The following LGR4 variants were observed in gnomAD, a reference collection of about 807,000 sequenced individuals.
LGR4 encodes the protein leucine-rich repeat-containing G protein-coupled receptor 4.
In LGR4, 44 loss-of-function variants were observed where a neutral mutation model predicts 84.8. The observed-to-expected ratio is 0.52, with a 90% CI of 0.41 to 0.67. LGR4 has a LOEUF of 0.67. LGR4 is among the 30% of genes least tolerant of loss of function. The probability of loss-of-function intolerance (pLI) is 0.00; values close to 1 mark genes in which losing one functional copy is unlikely to be tolerated. For synonymous variants in LGR4, 429 were observed against 434.3 expected, an observed-to-expected ratio of 0.99 and a Z score of 0.15; for missense variants, 1,032 against 1,131.4, an observed-to-expected ratio of 0.91 and a Z score of 1.26.
intron 2 of LGR4, among the ~76,000 whole-genome samples, chr11:27,405,890 C>T (rs1286057045): frequency 1.3e-5 from 2 of 152,152 alleles, no homozygotes; most frequent in Non-Finnish European, 2.9e-5. Flanking sequence ...TATGAGACTA[C>T]ATTTATTGAA....
chr11:27,368,562 T>A lies in LGR4; in HGVS notation c.2161A>T (p.Met721Leu). Residue 721 changes from methionine (M) to leucine (L), a missense_variant, in exon 18 of 18, where the codon ATG (methionine) becomes TTG (leucine). Coordinates refer to ENST00000379214, the MANE Select transcript of LGR4 (RefSeq NM_018490.5). ...TATAGTTTAGTGTAGATAACGGCCA[T>A]TAATAAAAATGCTAGTGAGTTTAAT... ...VLLNSLAFLLMAVIYTKLYCN... is the reference protein window; with the variant it reads ...VLLNSLAFLLLAVIYTKLYCN... 6.2e-7 allele frequency: 1 copy of A among 1,613,550 alleles called. No homozygotes were observed. Among genetic ancestry groups the A allele is most frequent in the South Asian group, 1.1e-5 (1 of 90,988 alleles).
At chr11:27,374,238 A>T (rs1324628660) in intron 13 of LGR4, among the ~76,000 whole-genome samples, 192 bp from the exon 14 acceptor site, 1 of 152,206 alleles carries the variant, frequency 6.6e-6, no homozygotes, top group Non-Finnish European at 1.5e-5. Context: ...TATTTCTTGG[A>T]ATATGTTCTG....
intron 1 of LGR4, among the ~76,000 whole-genome samples, chr11:27,434,077 G>A (rs992838717): frequency 3.9e-5 from 6 of 152,216 alleles, no homozygotes; most frequent in African/African-American, 1.4e-4. Context: ...AGAGCCTTCT[G>A]GGAACTTAAG....
At chr11:27,379,532 TC>T (rs1863051556) in intron 10 of LGR4, among the ~76,000 whole-genome samples, 1 of 152,188 alleles carries the variant, frequency 6.6e-6, no homozygotes, top group Non-Finnish European at 1.5e-5. Context: ...CCTCAGTGCT[TC>T]CCAAATTCTT....
Position 27,472,415 on chromosome 11 carries a change from T to C in LGR4, c.-113A>G, listed in dbSNP as rs1363891158. The C allele has an allele frequency of 5.9e-6, 5 of 843,136 alleles. No individual in the cohort carries two copies. Among genetic ancestry groups the C allele is most frequent in the Non-Finnish European group, 4.7e-6 (3 of 639,710 alleles). The allele number at this position is 843,136 out of a possible 1,614,324, so 52.2% of individuals were successfully genotyped here. A position where few individuals can be genotyped will look rare whatever the true frequency, so the allele number is the denominator to read the frequency against. Reference sequence around the variant, plus strand: ...GCCTGCGGGCTGGAGCGGGGGTCTCTTCCTCGGCGGTCCGCGCGGGCTCGG... The same window carrying C: ...GCCTGCGGGCTGGAGCGGGGGTCTCCTCCTCGGCGGTCCGCGCGGGCTCGG... On this transcript the variant is annotated 5_prime_UTR_variant, in exon 1 of 18. Transcript: ENST00000379214.
chr11:27,377,675 A>C (rs1308883822), intron 11 of LGR4, among the ~76,000 whole-genome samples: 1 of 152,096 alleles, frequency 6.6e-6, no homozygotes, highest in Non-Finnish European at 1.5e-5. Context: ...AAAAGCTCTA[A>C]GAGAAATGGT....
chr11:27,449,061 T>C (rs1864439392), intron 1 of LGR4, among the ~76,000 whole-genome samples: 1 of 152,216 alleles, frequency 6.6e-6, no homozygotes, highest in South Asian at 2.1e-4. Flanking sequence ...AGCTAACTTA[T>C]AATAATAAAA....
intron 2 of LGR4, among the ~76,000 whole-genome samples, chr11:27,408,609 G>C (rs1179823289): frequency 6.6e-6 from 1 of 152,092 alleles, no homozygotes; most frequent in Non-Finnish European, 1.5e-5. Context: ...GCCTAAAGGA[G>C]AGCCAAAAAC....
chr11:27,451,619 C>T (rs918710318), intron 1 of LGR4, among the ~76,000 whole-genome samples: 1 of 152,182 alleles, frequency 6.6e-6, no homozygotes, highest in Non-Finnish European at 1.5e-5. Flanking sequence ...ACTATTGTTG[C>T]TTAAATACCA....
At position 27,451,182 on chromosome 11, in the gene LGR4, T is replaced by C. The variant is rs1864474917; in HGVS notation, c.185+20936A>G. Among the ~76,000 whole-genome samples, 8 of 152,234 alleles carry C rather than the reference T, an allele frequency of 5.3e-5. 1 individual carries two copies. In the South Asian group the frequency reaches 1.7e-3, roughly 32 times the overall value. On this transcript the variant is annotated intron_variant, in intron 1 of 17. Coordinates refer to ENST00000379214, the MANE Select transcript of LGR4 (RefSeq NM_018490.5). ...CAATTTTTCACTTAAAATAAGGAAA[T>C]GTTAAATTTAAAGAGACCACCAGAG...
intron 1 of LGR4, among the ~76,000 whole-genome samples, chr11:27,423,321 C>T (rs765010813): frequency 2.0e-5 from 3 of 152,170 alleles, no homozygotes; most frequent in Non-Finnish European, 2.9e-5. Context: ...AGCTGCCAAC[C>T]GTCAGAGCCT....
In LGR4 at chr11:27,402,045, A is replaced by G. The variant is rs141722630; in HGVS notation, c.258-9527T>C. On this transcript the variant is annotated intron_variant, in intron 2 of 17. Coordinates refer to ENST00000379214, the MANE Select transcript of LGR4 (RefSeq NM_018490.5). ...GGGTAAAATGTGAATATAGAGAGGTACTCTGGCAGACAGACCCTGTTGGTT... is the reference window on the plus strand; with the variant it reads ...GGGTAAAATGTGAATATAGAGAGGTGCTCTGGCAGACAGACCCTGTTGGTT... Among the ~76,000 whole-genome samples, 284 of 152,298 alleles carry G rather than the reference A, an allele frequency of 1.9e-3. 1 individual carries two copies. The highest frequency in any genetic ancestry group is 6.7e-3 in the African/African-American group (280 of 41,562).
At chr11:27,423,244 T>C (rs2133411726) in intron 1 of LGR4, among the ~76,000 whole-genome samples, 1 of 152,360 alleles carries the variant, frequency 6.6e-6, no homozygotes, top group East Asian at 1.9e-4. Context: ...ACTAAGGCAC[T>C]GACCTCATTA....
chr11:27,428,920 C>A (rs551674381), intron 1 of LGR4, among the ~76,000 whole-genome samples: 1 of 152,004 alleles, frequency 6.6e-6, no homozygotes, highest in East Asian at 1.9e-4. Flanking sequence ...TTTTTTTGTC[C>A]ATGTAGCCGG....
chr11:27,367,826 T>G lies in LGR4; in HGVS notation c.*41A>C, dbSNP rs775429782. On this transcript the variant is annotated 3_prime_UTR_variant, in exon 18 of 18. Coordinates refer to ENST00000379214, the MANE Select transcript of LGR4 (RefSeq NM_018490.5). ...AGAATAGGGTTCACTCTATAAACAC[T>G]GATTTTGGTTGACGGGGGAAACGGT... The G allele has an allele frequency of 2.8e-6, 4 of 1,440,432 alleles. No homozygotes were observed. The highest frequency in any genetic ancestry group is 3.8e-6 in the Non-Finnish European group (4 of 1,061,112). The allele number at this position is 1,440,432 out of a possible 1,614,324, so 89.2% of individuals were successfully genotyped here.
rs779290771 is a variant in LGR4 at position 27,367,987 on chromosome 11, T to C, written c.2736A>G (p.Glu912=). ...CAGAACTGTCTGAGACAAAGGAATC[T>C]TCTTCATCTGCATAATCAGAGTGGG... ...QSAHSDYADE[E]DSFVSDSSDQ... is the part of the protein sequence containing the mutation. Residue 912 remains glutamate, a synonymous_variant, in exon 18 of 18, where the codon GAA becomes GAG. Transcript: ENST00000379214. The C allele has an allele frequency of 1.9e-6, 3 of 1,614,160 alleles. No individual in the cohort carries two copies. The highest frequency in any genetic ancestry group is 2.2e-5 in the South Asian group (2 of 91,080).
chr11:27,472,335 G>A lies in LGR4; in HGVS notation c.-33C>T, dbSNP rs192194854. ...GCCGCCTCCCGCGCCGGCCTCTCCCGCGGCGCTGCTCGCTCCGCTGCCCTC... is the reference window on the plus strand; with the variant it reads ...GCCGCCTCCCGCGCCGGCCTCTCCCACGGCGCTGCTCGCTCCGCTGCCCTC... On this transcript the variant is annotated 5_prime_UTR_variant, in exon 1 of 18. Coordinates refer to ENST00000379214, the MANE Select transcript of LGR4 (RefSeq NM_018490.5). The A allele has an allele frequency of 8.2e-4, 980 of 1,193,430 alleles. 3 individuals are homozygous for A. The African/African-American group carries it at 0.014, about 17-fold the overall frequency. 73.9% of individuals were successfully genotyped at this position (1,193,430 alleles called of 1,614,324 possible). A position where few individuals can be genotyped will look rare whatever the true frequency, so the allele number is the denominator to read the frequency against.
At chr11:27,433,397 C>A (rs927347812) in intron 1 of LGR4, among the ~76,000 whole-genome samples, 4 of 142,812 alleles carry the variant, frequency 2.8e-5, no homozygotes, top group East Asian at 2.1e-4. Flanking sequence ...ATTTTTATTT[C>A]TTTTTTTTTT....
chr11:27,425,712 A>C (rs1864012195), intron 1 of LGR4, among the ~76,000 whole-genome samples: 1 of 152,220 alleles, frequency 6.6e-6, no homozygotes, highest in African/African-American at 2.4e-5. Flanking sequence ...TAATAGCAGT[A>C]GATATGGCTG....
Sources: gnomAD v4.1 joint callset for allele counts (sites outside exome capture counted in the v4.1 genomes callset) on GRCh38, gnomAD v4.1.1 for gene constraint, MANE v1.5 for transcripts, NCBI Gene and HGNC (gene_info 2026-07-23, HGNC 2026-07-21) for gene names.